OXR1: variants seen among roughly 807,000 people sequenced by gnomAD.
The protein encoded by OXR1 is oxidation resistance 1, also known as oxidation resistance protein 1.
In OXR1, 41 loss-of-function variants were observed where a neutral mutation model predicts 104.6. The observed-to-expected ratio is 0.39, with a 90% confidence interval of 0.31 to 0.51. The LOEUF (loss-of-function observed/expected upper bound fraction) is 0.51. Among genes scored for constraint, OXR1 ranks in the 20% least tolerant of loss-of-function variants. The pLI is 0.77. For synonymous variants in OXR1, 348 were observed against 348.4 expected, an observed-to-expected ratio of 1.00 and a Z score of 0.01; for missense variants, 955 against 1,031.9, an observed-to-expected ratio of 0.93 and a Z score of 1.02.
At chr8:106,592,030 C>G (rs1819136343) in intron 3 of OXR1, among the ~76,000 whole-genome samples, 1 of 152,172 alleles carries the variant, frequency 6.6e-6, no homozygotes, top group East Asian at 1.9e-4. Context: ...GTCTGTCACC[C>G]AGATTATAAA....
chr8:106,468,748 T>G (rs1427690534), intron 2 of OXR1, among the ~76,000 whole-genome samples: 3 of 151,740 alleles, frequency 2.0e-5, no homozygotes, highest in Non-Finnish European at 2.9e-5. Flanking sequence ...CGGATTGCAG[T>G]TGGACAAGAA....
rs762219080 is a variant in OXR1 at position 106,750,864 on chromosome 8, A to T, written c.2545A>T (p.Lys849Ter). ...CTACCATGGAAGAAGCCATTCTTGT[A>T]AAACGTTTGGGAATCGTACACTTTC... ...DLYHGRSHSC[K>*]TFGNRTLSKK... The change falls in exon 17 of 17, where the codon AAA (lysine) becomes TAA (stop). Residue 849 changes from lysine (K) to a stop codon, truncating the protein, a stop_gained. Coordinates refer to ENST00000517566, the MANE Select transcript of OXR1 (RefSeq NM_001198533.2). LOFTEE classifies it high-confidence loss of function. The T allele has an allele frequency of 6.2e-7, 1 of 1,609,742 alleles. No individual in the cohort carries two copies. Among genetic ancestry groups the T allele is most frequent in the Non-Finnish European group, 8.5e-7 (1 of 1,176,872 alleles).
In OXR1 at chr8:106,410,090, A is replaced by G. The variant is rs567132954; in HGVS notation, c.23+50454A>G. Among the ~76,000 whole-genome samples, 6 of 152,268 alleles carry G rather than the reference A, an allele frequency of 3.9e-5. No individual in the cohort carries two copies. In the East Asian group the frequency reaches 9.6e-4, roughly 24 times the overall value. ...GACAATGGATAGATAATTTCCTATT[A>G]TTTCAATAACAATCTGAGGTTAGAA... On this transcript the variant is annotated intron_variant, in intron 2 of 16. Coordinates refer to ENST00000517566, the MANE Select transcript of OXR1 (RefSeq NM_001198533.2).
At chr8:106,615,040 TG>T (rs1327231222) in intron 3 of OXR1, among the ~76,000 whole-genome samples, 1 of 152,134 alleles carries the variant, frequency 6.6e-6, no homozygotes, top group Non-Finnish European at 1.5e-5. Flanking sequence ...AAAATTTGGC[TG>T]GGCATGATGG....
rs185802275 is a variant in OXR1 at position 106,618,330 on chromosome 8, G to A, written c.221-60880G>A. On this transcript the variant is annotated intron_variant, in intron 3 of 16. Transcript: ENST00000517566. ...TGACGATGCAGTTGGAGGTTCTATA[G>A]CTACTGCCTCCAAAATGCAAATGTT... 432 of 724,686 alleles carry A rather than the reference G, an allele frequency of 6.0e-4. 3 individuals are homozygous for A. The highest frequency in any genetic ancestry group is 7.2e-5 in the Non-Finnish European group (30 of 418,706). The allele number at this position is 724,686 out of a possible 1,614,324, so 44.9% of individuals were successfully genotyped here.
In OXR1 at chr8:106,347,170, CTTGT is replaced by C. The variant is rs1398421902; in HGVS notation, c.-138-12303_-138-12300del. Among the ~76,000 whole-genome samples, 7 of 152,230 alleles carry C rather than the reference CTTGT, an allele frequency of 4.6e-5. No individual in the cohort carries two copies. The East Asian group carries it at 5.8e-4, about 13-fold the overall frequency. The stretch of plus-strand genomic sequence containing the variant: ...TTCTTCTCTAGGCTCAATGAAAGGA[CTTGT>C]TTAAGAGAAGCCAATTGATTTTTAT... On this transcript the variant is annotated intron_variant, in intron 1 of 16. Transcript: ENST00000517566.
intron 1 of OXR1, among the ~76,000 whole-genome samples, chr8:106,289,236 C>A (rs1367784266): frequency 6.6e-5 from 10 of 152,202 alleles, no homozygotes; most frequent in Admixed American, 2.0e-4. Context: ...ATCAAGCTAT[C>A]TCTCTTCGCT....
intron 1 of OXR1, among the ~76,000 whole-genome samples, chr8:106,281,087 G>A (rs1298578355): frequency 6.6e-6 from 1 of 152,104 alleles, no homozygotes; most frequent in Non-Finnish European, 1.5e-5. Flanking sequence ...ACTAGGGGAA[G>A]GGCAGAAACT....
chr8:106,365,677 T>A (rs1816441744), intron 2 of OXR1, among the ~76,000 whole-genome samples: 1 of 152,196 alleles, frequency 6.6e-6, no homozygotes, highest in Non-Finnish European at 1.5e-5. Context: ...ATACACTACA[T>A]TTTTAGAATC....
At chr8:106,429,075 C>T (rs935386810) in intron 2 of OXR1, among the ~76,000 whole-genome samples, 1 of 152,098 alleles carries the variant, frequency 6.6e-6, no homozygotes. Flanking sequence ...GATTCAGATC[C>T]GAAGTTGGCG....
chr8:106,739,415 T>G, intron 12 of OXR1, 43 bp from the exon 13 acceptor site: 1 of 1,560,340 alleles, frequency 6.4e-7, no homozygotes, highest in Non-Finnish European at 8.8e-7. Context: ...TGAAAGCATG[T>G]CACAAGTTTA....
chr8:106,565,466 G>A (rs189408426), intron 3 of OXR1, among the ~76,000 whole-genome samples: 173 of 152,106 alleles, frequency 1.1e-3, no homozygotes, highest in African/African-American at 3.9e-3. Flanking sequence ...CACTGCTCAA[G>A]GAAATAAGAG....
intron 3 of OXR1, among the ~76,000 whole-genome samples, chr8:106,527,641 G>C (rs918654244): frequency 5.3e-5 from 8 of 152,050 alleles, no homozygotes; most frequent in Non-Finnish European, 1.0e-4. Flanking sequence ...CTTTACACCT[G>C]GCCACAACTT....
At chr8:106,727,348 T>A (rs1429874952) in intron 11 of OXR1, among the ~76,000 whole-genome samples, 1 of 152,182 alleles carries the variant, frequency 6.6e-6, no homozygotes, top group Non-Finnish European at 1.5e-5. Flanking sequence ...AATTTATAGG[T>A]CAATCTAATT....
chr8:106,538,318 T>C (rs991704480), intron 3 of OXR1, among the ~76,000 whole-genome samples: 44 of 152,260 alleles, frequency 2.9e-4, no homozygotes, highest in African/African-American at 1.0e-3. Context: ...TTTTAATTTT[T>C]GGATACAAGT....
intron 1 of OXR1, among the ~76,000 whole-genome samples, chr8:106,346,692 A>T (rs555188342): frequency 6.6e-6 from 1 of 152,166 alleles, no homozygotes; most frequent in Admixed American, 6.5e-5. Flanking sequence ...GGCTTCACTG[A>T]ATCTTCAGTG....
At chr8:106,558,984 T>A (rs973120039) in intron 3 of OXR1, among the ~76,000 whole-genome samples, 1 of 152,232 alleles carries the variant, frequency 6.6e-6, no homozygotes, top group Non-Finnish European at 1.5e-5. Flanking sequence ...ATTTTCCAAA[T>A]CTTTAAGTTG....
At chr8:106,292,793 G>T (rs757896751) in intron 1 of OXR1, among the ~76,000 whole-genome samples, 1 of 152,164 alleles carries the variant, frequency 6.6e-6, no homozygotes, top group Non-Finnish European at 1.5e-5. Context: ...AGAAGGAGCA[G>T]CCTGTGAGGT....
chr8:106,420,788 C>T (rs943470598), intron 2 of OXR1, among the ~76,000 whole-genome samples: 2 of 147,734 alleles, frequency 1.4e-5, no homozygotes, highest in Admixed American at 6.7e-5. Context: ...TCAGTTTACC[C>T]TAATTTAATG....
Sources: gnomAD v4.1 joint callset for allele counts (sites outside exome capture counted in the v4.1 genomes callset) on GRCh38, gnomAD v4.1.1 for gene constraint, MANE v1.5 for transcripts, NCBI Gene and HGNC (gene_info 2026-07-23, HGNC 2026-07-21) for gene names.